NUFIP2: variants seen among roughly 807,000 people sequenced by gnomAD.
The protein encoded by NUFIP2 is FMR1-interacting protein NUFIP2.
Under a neutral mutation model 56.9 loss-of-function variants are expected in NUFIP2, and 6 were observed. The observed-to-expected ratio is 0.11, with a 90% CI of 0.06 to 0.21. The LOEUF is 0.21. Among genes scored for constraint, NUFIP2 ranks in the 10% least tolerant of loss-of-function variants. The pLI, the probability that NUFIP2 is intolerant of heterozygous loss-of-function variation, is 1.00. For missense variants in NUFIP2, 828 were observed against 826.8 expected (o/e 1.00, Z -0.02); for synonymous variants, 321 against 298.2 (o/e 1.08, Z -0.79).
chr17:29,287,591 G>C lies in NUFIP2; in HGVS notation c.403C>G (p.Leu135Val), dbSNP rs2069185631. 2 of 1,614,046 alleles carry C rather than the reference G, an allele frequency of 1.2e-6. No homozygotes were observed. Among genetic ancestry groups the C allele is most frequent in the Non-Finnish European group, 1.7e-6 (2 of 1,180,028 alleles). The change falls in exon 2 of 4, where the codon CTG becomes GTG. Residue 135 changes from leucine to valine, a missense_variant. By Grantham distance (32) the Leu-to-Val change is conservative. Around this residue, in one of 3 missense-constraint regions of NUFIP2, gnomAD observed 415 missense variants for 408.7 expected, o/e 1.02. Coordinates refer to ENST00000225388, the MANE Select transcript of NUFIP2 (RefSeq NM_020772.3). ...GTGTTGGCCTTTACAGTCTGCTTCA[G>C]GCTAGTGTCTACAACTTGCTGGTTG... is the stretch of plus-strand genomic sequence containing the variant. ...NGNQQVVDTS[L>V]KQTVKANTFG...
chr17:29,282,740 ACT>A (rs1945060012), intron 2 of NUFIP2, among the ~76,000 whole-genome samples: 1 of 152,118 alleles, frequency 6.6e-6, no homozygotes, highest in African/African-American at 2.4e-5. Context: ...CCCAACTTCA[ACT>A]ACTCACTTAG....
intron 2 of NUFIP2, among the ~76,000 whole-genome samples, chr17:29,270,941 G>C (rs535745336): frequency 1.3e-5 from 2 of 151,948 alleles, no homozygotes; most frequent in South Asian, 2.1e-4. Flanking sequence ...CCCTTTTTTT[G>C]AGAATACACT....
intron 2 of NUFIP2, among the ~76,000 whole-genome samples, chr17:29,271,333 T>G (rs1201183162): frequency 1.3e-5 from 2 of 151,766 alleles, no homozygotes; most frequent in Non-Finnish European, 2.9e-5. Context: ...GGTAAGGAGT[T>G]CGATACCAGC....
chr17:29,263,718 A>C lies in NUFIP2; in HGVS notation c.*821T>G, dbSNP rs1852565798. 6.6e-6 allele frequency: 1 copy of C among 152,664 alleles called. No homozygotes were observed. The highest frequency in any genetic ancestry group is 1.5e-5 in the Non-Finnish European group (1 of 68,032). The allele number at this position is 152,664 out of a possible 1,614,324, so 9.5% of individuals were successfully genotyped here. On this transcript the variant is annotated 3_prime_UTR_variant, in exon 4 of 4. Transcript: ENST00000225388. ...ACAGGAATATTTTTCCAGATTGTAT[A>C]TCTAAGCCAATTGCTTGTTCTGCAA...
chr17:29,291,051 A>AAG (rs1567682920), intron 1 of NUFIP2, among the ~76,000 whole-genome samples: 2 of 149,972 alleles, frequency 1.3e-5, no homozygotes, highest in African/African-American at 5.0e-5. Flanking sequence ...AAAAAAAAAA[A>AAG]AAGAAAAGAA....
chr17:29,284,676 A>T (rs1247844054), intron 2 of NUFIP2, among the ~76,000 whole-genome samples: 5 of 138,318 alleles, frequency 3.6e-5, no homozygotes, highest in Non-Finnish European at 7.6e-5. Context: ...ACTGCACTCC[A>T]GCCTGGGTGA....
chr17:29,267,222 T>C (rs926271222), intron 3 of NUFIP2, among the ~76,000 whole-genome samples: 1 of 150,832 alleles, frequency 6.6e-6, no homozygotes, highest in East Asian at 1.9e-4. Context: ...TTTTTTTTTT[T>C]TTAATTTAAA....
intron 1 of NUFIP2, among the ~76,000 whole-genome samples, chr17:29,288,789 G>A (rs932882518): frequency 2.0e-5 from 3 of 152,202 alleles, no homozygotes; most frequent in Admixed American, 6.6e-5. Context: ...AAGATGCAAT[G>A]AGAAAATATT....
chr17:29,285,000 T>A (rs2069163481), intron 2 of NUFIP2, among the ~76,000 whole-genome samples: 1 of 152,008 alleles, frequency 6.6e-6, no homozygotes, highest in African/African-American at 2.4e-5. Flanking sequence ...AAGACGCATA[T>A]GATATAAAAA....
At chr17:29,277,891 T>TAATC (rs2069116873) in intron 2 of NUFIP2, among the ~76,000 whole-genome samples, 1 of 151,974 alleles carries the variant, frequency 6.6e-6, no homozygotes, top group African/African-American at 2.4e-5. Flanking sequence ...TGCAAGCCTA[T>TAATC]AATCCCAGCT....
chr17:29,292,887 G>GGC (rs1555549650), intron 1 of NUFIP2, among the ~76,000 whole-genome samples: 2,200 of 146,090 alleles, frequency 0.015, 249 homozygotes, highest in African/African-American at 0.051. Context: ...GCGACGGGGG[G>GGC]GGGGGCGGCC....
chr17:29,287,198 T>C lies in NUFIP2; in HGVS notation c.796A>G (p.Ser266Gly). Residue 266 changes from serine to glycine, a missense_variant, in exon 2 of 4, where the codon AGT becomes GGT. Around this residue, in one of 3 missense-constraint regions of NUFIP2, gnomAD observed 415 missense variants for 408.7 expected, o/e 1.02. Coordinates refer to ENST00000225388, the MANE Select transcript of NUFIP2 (RefSeq NM_020772.3). ...TCTACTCGATTTCCCTTTTGTTCACTATAGTCAGGCTTGAAAGTTTCAAGT... is the reference window on the plus strand; with the variant it reads ...TCTACTCGATTTCCCTTTTGTTCACCATAGTCAGGCTTGAAAGTTTCAAGT... ...QGLETFKPDY[S>G]EQKGNRVDGS... The C allele has an allele frequency of 6.2e-7, 1 of 1,614,228 alleles. No homozygotes were observed. Among genetic ancestry groups the C allele is most frequent in the Admixed American group, 1.7e-5 (1 of 60,026 alleles).
At position 29,293,763 on chromosome 17, in the gene NUFIP2, AC is replaced by A; in HGVS notation, c.277+19del. On this transcript the variant is annotated intron_variant, in intron 1 of 3. Coordinates refer to ENST00000225388, the MANE Select transcript of NUFIP2 (RefSeq NM_020772.3). Reference sequence around the variant, plus strand: ...CCTCCACCCCCAACCCCCTTCCCCCACCCGTCCTCCCTCCCAGACCTGTTTT... The same window carrying A: ...CCTCCACCCCCAACCCCCTTCCCCCACCGTCCTCCCTCCCAGACCTGTTTT... 1 of 457,090 alleles carries A rather than the reference AC, an allele frequency of 2.2e-6. No homozygotes were observed. The allele number at this position is 457,090 out of a possible 1,614,324, so 28.3% of individuals were successfully genotyped here.
chr17:29,275,528 CAACTCTGGTA>C (rs2069102491), intron 2 of NUFIP2, among the ~76,000 whole-genome samples: 4 of 152,140 alleles, frequency 2.6e-5, no homozygotes, highest in Admixed American at 2.6e-4. Flanking sequence ...AGGCAATGTT[CAACTCTGGTA>C]AATCTTAACC....
rs930051360 is a variant in NUFIP2, at chr17:29,286,541, T to C, written c.1453A>G (p.Thr485Ala). 6.2e-7 allele frequency: 1 copy of C among 1,614,110 alleles called. No homozygotes were observed. The highest frequency in any genetic ancestry group is 8.5e-7 in the Non-Finnish European group (1 of 1,180,056). The change falls in exon 2 of 4, where the codon ACA becomes GCA. Residue 485 changes from threonine (T) to alanine (A), a missense_variant. Transcript: ENST00000225388. ...PSNMQTMLLSTAQVDLPSQTD... is the reference protein window; with the variant it reads ...PSNMQTMLLSAAQVDLPSQTD... ...TGAGAGGGCAGATCCACTTGTGCTG[T>C]GCTCAACAGCATAGTTTGCATATTT... is the stretch of plus-strand genomic sequence containing the variant.
intron 2 of NUFIP2, among the ~76,000 whole-genome samples, chr17:29,285,762 G>A (rs2069169424): frequency 6.6e-6 from 1 of 151,896 alleles, no homozygotes; most frequent in Non-Finnish European, 1.5e-5. Context: ...GGTCAATTAT[G>A]TTTGTATTTT....
chr17:29,268,720 G>A (rs1317427136), intron 2 of NUFIP2, among the ~76,000 whole-genome samples: 5 of 151,924 alleles, frequency 3.3e-5, no homozygotes, highest in African/African-American at 1.2e-4. Flanking sequence ...GTAGAGAGGG[G>A]GTTTCTCCTT....
At position 29,286,098 on chromosome 17, in the gene NUFIP2, G is replaced by A. The variant is rs1395161433; in HGVS notation, c.1896C>T (p.Asn632=). The change falls in exon 2 of 4, where the codon AAC becomes AAT. Residue 632 remains asparagine, a synonymous_variant. Coordinates refer to ENST00000225388, the MANE Select transcript of NUFIP2 (RefSeq NM_020772.3). ...GTTCTTTGGCAGAGCCTAACAAAGT[G>A]TTCGTAGGAGAGGCCAGAGGATTTT... The part of the protein sequence containing the change: ...ESQNPLASPT[N]TLLGSAKEQR... 11 of 1,613,912 alleles carry A rather than the reference G, an allele frequency of 6.8e-6. No individual in the cohort carries two copies. Among genetic ancestry groups the A allele is most frequent in the Non-Finnish European group, 7.6e-6 (9 of 1,179,906 alleles).
chr17:29,281,381 A>G (rs995661591), intron 2 of NUFIP2, among the ~76,000 whole-genome samples: 1 of 149,272 alleles, frequency 6.7e-6, no homozygotes, highest in Non-Finnish European at 1.5e-5. Flanking sequence ...GGTCCCAGCT[A>G]CTCAGGAGGC....
Sources: allele counts gnomAD v4.1 joint callset (sites outside exome capture counted in the v4.1 genomes callset), GRCh38; gene constraint gnomAD v4.1.1; regional missense constraint gnomAD v4.1.1; transcripts MANE v1.5; gene names NCBI Gene and HGNC (gene_info 2026-07-23, HGNC 2026-07-21).